MAX: variants seen among roughly 807,000 people sequenced by gnomAD.
MAX encodes protein max.
In MAX, 3 loss-of-function variants were observed where a neutral mutation model predicts 22.3. The observed-to-expected ratio is 0.13, with a 90% CI of 0.06 to 0.35. The LOEUF is 0.35. Among genes scored for constraint, MAX ranks in the 10% least tolerant of loss-of-function variants. The pLI is 1.00. For synonymous variants in MAX, 72 were observed against 77.7 expected, an observed-to-expected ratio of 0.93 and a Z score of 0.39; for missense variants, 119 against 209.4, an observed-to-expected ratio of 0.57 and a Z score of 2.66.
intron 3 of MAX, chr14:65,040,902 A>G (rs898607911): frequency 5.0e-6 from 8 of 1,613,764 alleles, no homozygotes; most frequent in Non-Finnish European, 6.8e-6. Flanking sequence ...ACGTTCCTTG[A>G]ACTTGAAGAG....
In MAX at chr14:65,044,440, C is replaced by A; in HGVS notation, c.172-38156G>T. The A allele has an allele frequency of 6.2e-7, 1 of 1,606,462 alleles. No individual in the cohort carries two copies. On this transcript the variant is annotated intron_variant, in intron 3 of 3. Coordinates refer to the MAX transcript ENST00000341653. The surrounding 1 kb of genome is among the most constrained non-coding windows in gnomAD (Gnocchi z 5.5). ...CCTGCTCCACCGCGCACTGCACGCC[C>A]AAGGTGAGCCTGGGGAGCTGTTCAC...
In MAX at chr14:65,054,862, G is replaced by A. The variant is rs574911750; in HGVS notation, c.171+38846C>T. Among the ~76,000 whole-genome samples, 8 of 152,304 alleles carry A rather than the reference G, an allele frequency of 5.3e-5. No homozygotes were observed. In the East Asian group the frequency reaches 7.7e-4, roughly 15 times the overall value. The stretch of plus-strand genomic sequence containing the variant: ...GTGAGGATGTGACCACAGAGGAGAC[G>A]CACCTCTGGGCAAGCTCAGGGTTCC... On this transcript the variant is annotated intron_variant, in intron 3 of 3. Transcript: ENST00000341653. The surrounding 1 kb of genome is among the most constrained non-coding windows in gnomAD (Gnocchi z 4.4).
intron 3 of MAX, among the ~76,000 whole-genome samples, chr14:65,013,323 T>TC (rs1251939495): frequency 9.9e-6 from 1 of 101,506 alleles, no homozygotes; most frequent in Non-Finnish European, 2.0e-5. Flanking sequence ...CATCTTTGTT[T>TC]CCTTTTTTTT....
chr14:65,064,198 A>G (rs8181931), intron 3 of MAX, among the ~76,000 whole-genome samples: 27,162 of 152,166 alleles, frequency 0.18, 3,720 homozygotes, highest in African/African-American at 0.39. Flanking sequence ...GATGCTTTTC[A>G]TGTAATATTA....
At chr14:65,064,829 C>T (rs1006176736) in intron 3 of MAX, among the ~76,000 whole-genome samples, 7 of 152,218 alleles carry the variant, frequency 4.6e-5, no homozygotes, top group African/African-American at 1.2e-4. Context: ...ATGGCCATTG[C>T]TCTCAAACAG....
Position 65,102,417 on chromosome 14 carries a change from A to G in MAX, c.-78T>C. On this transcript the variant is annotated 5_prime_UTR_variant, in exon 1 of 5. Coordinates refer to ENST00000358664, the MANE Select transcript of MAX (RefSeq NM_002382.5). ...TGAAGGGGAGGGGGAAGTCACCGAC[A>G]ACAACAAGCCGAGTCCCCCCCACAC... 1.3e-6 allele frequency: 2 copies of G among 1,569,270 alleles called. No homozygotes were observed. The highest frequency in any genetic ancestry group is 1.7e-6 in the Non-Finnish European group (2 of 1,159,620).
intron 3 of MAX, among the ~76,000 whole-genome samples, chr14:65,055,976 C>T (rs1301515671): frequency 6.6e-6 from 1 of 152,150 alleles, no homozygotes; most frequent in African/African-American, 2.4e-5. Flanking sequence ...CTTATGTAGC[C>T]CTCTTCCAGT....
rs118160848 is a variant in MAX, at chr14:65,086,059, T to C, written c.171+7649A>G. On this transcript the variant is annotated intron_variant, in intron 3 of 4. Transcript: ENST00000358664. ...ATAAATTTCGTGAGAGCTGATGGTT[T>C]TAAAAACAGCAGTTTCCCTGCACAA... 1.7e-4 allele frequency among the ~76,000 whole-genome samples: 26 copies of C among 152,296 alleles called. 1 individual carries two copies. In the East Asian group the frequency reaches 4.6e-3, roughly 27 times the overall value.
chr14:65,042,406 C>A (rs1284286819), intron 3 of MAX, among the ~76,000 whole-genome samples: 1 of 152,172 alleles, frequency 6.6e-6, no homozygotes, highest in Non-Finnish European at 1.5e-5. Flanking sequence ...ATTAGACTCT[C>A]ATGTAGAGCG....
chr14:65,054,737 G>A lies in MAX; in HGVS notation c.171+38971C>T, dbSNP rs371318833. On this transcript the variant is annotated intron_variant, in intron 3 of 3. Transcript: ENST00000341653. The surrounding 1 kb of genome is among the most constrained non-coding windows in gnomAD (Gnocchi z 4.4). ...CACCCCTTCTCCACAGGGACCTCGC[G>A]GACAGAAGGCTTTCCAAGTAAGCAG... 54 of 1,551,928 alleles carry A rather than the reference G, an allele frequency of 3.5e-5. No individual in the cohort carries two copies. The highest frequency in any genetic ancestry group is 7.1e-5 in the South Asian group (6 of 85,032).
chr14:65,065,961 T>TGCCTGA (rs1327682760), intron 3 of MAX, among the ~76,000 whole-genome samples: 2 of 152,164 alleles, frequency 1.3e-5, no homozygotes, highest in Non-Finnish European at 2.9e-5. Flanking sequence ...CAAGTGGTGG[T>TGCCTGA]GCCTGAGCCC....
intron 2 of MAX, among the ~76,000 whole-genome samples, chr14:65,100,343 G>T (rs559209102): frequency 6.6e-6 from 1 of 152,114 alleles, no homozygotes; most frequent in African/African-American, 2.4e-5. Flanking sequence ...CCAGCTATTC[G>T]GGAGGCTGAG....
At chr14:65,010,707 A>G (rs2061668903) in intron 3 of MAX, among the ~76,000 whole-genome samples, 1 of 152,166 alleles carries the variant, frequency 6.6e-6, no homozygotes, top group African/African-American at 2.4e-5. Context: ...TAGTAAATTG[A>G]GTAGAAATGC....
chr14:65,006,218 A>C, exon 4 of MAX: 6 of 1,613,354 alleles, frequency 3.7e-6, no homozygotes, highest in Non-Finnish European at 5.1e-6. Context: ...CCATGGCAGA[A>C]AACAGTTGGA....
In MAX at chr14:65,038,103, TTGTC is replaced by T. The variant is rs558946445; in HGVS notation, c.172-31823_172-31820del. Among the ~76,000 whole-genome samples the T allele has an allele frequency of 2.0e-5, 3 of 152,248 alleles. No individual in the cohort carries two copies. The South Asian group carries it at 6.2e-4, about 32-fold the overall frequency. ...TATGACATCCCATTAGTACATTTGA[TTGTC>T]TGACTTTTAAGAATACTTTGAGGCT... On this transcript the variant is annotated intron_variant, in intron 3 of 3. Transcript: ENST00000341653.
chr14:65,062,186 C>T lies in MAX; in HGVS notation c.171+31522G>A, dbSNP rs1309503879. 2 of 152,432 alleles carry T rather than the reference C, an allele frequency of 1.3e-5. No homozygotes were observed. Among genetic ancestry groups the T allele is most frequent in the African/African-American group, 2.4e-5 (1 of 41,480 alleles). 9.4% of individuals were successfully genotyped at this position (152,432 alleles called of 1,614,324 possible). ...GGGTTTCTATCTTTCTTCCACCAGA[C>T]TCCAAGCCCACTCTCCTCCAAGACT... On this transcript the variant is annotated intron_variant, in intron 3 of 3. Transcript: ENST00000341653. This position sits in a 1 kb window ranked among gnomAD's most constrained non-coding sequence, Gnocchi z 4.3.
chr14:65,080,660 T>C (rs958093791), intron 3 of MAX, among the ~76,000 whole-genome samples: 2 of 152,234 alleles, frequency 1.3e-5, no homozygotes, highest in African/African-American at 4.8e-5. Context: ...AAGTCTACCC[T>C]TTCCATCACT....
At chr14:65,055,691 A>G (rs2062720460) in intron 3 of MAX, among the ~76,000 whole-genome samples, 1 of 151,706 alleles carries the variant, frequency 6.6e-6, no homozygotes, top group African/African-American at 2.4e-5. Flanking sequence ...TAATTTTTGT[A>G]TTTTTAGTAG....
At chr14:65,091,291 A>C (rs1194993772) in intron 3 of MAX, among the ~76,000 whole-genome samples, 1 of 152,232 alleles carries the variant, frequency 6.6e-6, no homozygotes, top group Admixed American at 6.5e-5. Context: ...GCACCTATGA[A>C]ACAGCGCTGG....
Sources: gnomAD v4.1 joint callset for allele counts (sites outside exome capture counted in the v4.1 genomes callset) on GRCh38, gnomAD v4.1.1 for gene constraint, Gnocchi (gnomAD v3.1) non-coding constraint, MANE v1.5 for transcripts, NCBI Gene and HGNC (gene_info 2026-07-23, HGNC 2026-07-21) for gene names.